The following NFASC variants were observed in gnomAD, a reference collection of about 807,000 sequenced individuals.
NFASC encodes the protein neurofascin homolog.
In NFASC, 43 loss-of-function variants were observed where a neutral mutation model predicts 147.5. The ratio of observed to expected loss-of-function variants is 0.29; its 90% CI spans 0.23 to 0.38. NFASC has a LOEUF of 0.38. Among genes scored for constraint, NFASC ranks in the 10% least tolerant of loss-of-function variants. The pLI, the probability that NFASC is intolerant of heterozygous loss-of-function variation, is 1.00. For missense variants in NFASC, 1,320 were observed against 1,689.0 expected (o/e 0.78, Z 3.83); for synonymous variants, 622 against 665.5 (o/e 0.93, Z 1.01).
intron 1 of NFASC, among the ~76,000 whole-genome samples, chr1:204,833,710 C>T (rs774430737): frequency 6.6e-6 from 1 of 152,096 alleles, no homozygotes; most frequent in Non-Finnish European, 1.5e-5. Flanking sequence ...AGACCTGGGA[C>T]GGTAAAATTT....
chr1:204,902,390 TCAAA>T (rs1282048384), intron 1 of NFASC, among the ~76,000 whole-genome samples: 3 of 152,190 alleles, frequency 2.0e-5, no homozygotes, highest in Non-Finnish European at 2.9e-5. Flanking sequence ...GGATTCTGAC[TCAAA>T]CAAACAGTAA....
At chr1:204,892,451 G>A (rs533261618) in intron 1 of NFASC, among the ~76,000 whole-genome samples, 4 of 152,318 alleles carry the variant, frequency 2.6e-5, no homozygotes, top group Admixed American at 6.5e-5. Flanking sequence ...CTCATGTAGC[G>A]ACAGTCATCT....
intron 24 of NFASC, among the ~76,000 whole-genome samples, chr1:204,993,264 C>T (rs1031466536): frequency 7.9e-5 from 12 of 152,172 alleles, no homozygotes; most frequent in African/African-American, 2.7e-4. Context: ...GATTGCTGCC[C>T]GTCTGTCTGA....
At chr1:204,955,569 G>A (rs143539860) in intron 7 of NFASC, among the ~76,000 whole-genome samples, 2 of 152,274 alleles carry the variant, frequency 1.3e-5, no homozygotes, top group African/African-American at 4.8e-5. Flanking sequence ...ATCATTCAGC[G>A]ATTGTTCTGG....
rs1269188255 is a variant in NFASC, at chr1:204,979,239, TCTC to T, written c.1979-120_1979-118del. Reference sequence around the variant, plus strand: ...TCTCTTCCTGTGCCTTGGGAAGAATTCTCCTTGTGCCTTTGTGTGAGAGAGATT... The same window carrying T: ...TCTCTTCCTGTGCCTTGGGAAGAATTCTTGTGCCTTTGTGTGAGAGAGATT... On this transcript the variant is annotated intron_variant, in intron 18 of 29. Transcript: ENST00000339876. The surrounding 1 kb of genome is among the most constrained non-coding windows in gnomAD (Gnocchi z 6.0). 2 of 1,010,778 alleles carry T rather than the reference TCTC, an allele frequency of 2.0e-6. No homozygotes were observed. Among genetic ancestry groups the T allele is most frequent in the Non-Finnish European group, 3.1e-6 (2 of 654,138 alleles). The allele number at this position is 1,010,778 out of a possible 1,614,324, so 62.6% of individuals were successfully genotyped here. A position where few individuals can be genotyped will look rare whatever the true frequency, so the allele number is the denominator to read the frequency against.
At position 205,016,720 on chromosome 1, in the gene NFASC, A is replaced by AC. The variant is rs34793683; in HGVS notation, c.*187dup. The AC allele has an allele frequency of 3.0e-5, 20 of 668,056 alleles. No individual in the cohort carries two copies. The highest frequency in any genetic ancestry group is 7.1e-5 in the African/African-American group (4 of 56,304). 41.4% of individuals were successfully genotyped at this position (668,056 alleles called of 1,614,324 possible). Reference sequence around the variant, plus strand: ...GCCACCCACAAGCCCCCTCCCAATGACCCCCCTTCAGCCCCGGGTGCCACC... The same window carrying AC: ...GCCACCCACAAGCCCCCTCCCAATGACCCCCCCTTCAGCCCCGGGTGCCACC... On this transcript the variant is annotated 3_prime_UTR_variant, in exon 30 of 30. Coordinates refer to ENST00000339876, the MANE Select transcript of NFASC (RefSeq NM_001005388.3). The surrounding 1 kb of genome is among the most constrained non-coding windows in gnomAD (Gnocchi z 5.1).
intron 1 of NFASC, among the ~76,000 whole-genome samples, chr1:204,843,908 G>T (rs1014798190): frequency 1.3e-5 from 2 of 151,862 alleles, no homozygotes; most frequent in African/African-American, 4.8e-5. Context: ...TAGTAGATAC[G>T]GGGGTTTTTA....
rs1321330916 is a variant in NFASC, at chr1:204,954,758, C to T, written c.413-71C>T. The stretch of plus-strand genomic sequence containing the variant: ...CTGTTTCTCCTCCTTGCATGCCTGC[C>T]TCTGACCCTGCTCCTTGCCCCGGGC... On this transcript the variant is annotated intron_variant, in intron 6 of 29. Transcript: ENST00000339876. This position sits in a 1 kb window ranked among gnomAD's most constrained non-coding sequence, Gnocchi z 5.7. 4 of 1,568,800 alleles carry T rather than the reference C, an allele frequency of 2.5e-6. No homozygotes were observed. In the South Asian group the frequency reaches 3.4e-5, roughly 13 times the overall value.
At chr1:204,891,108 T>C (rs2149038624) in intron 1 of NFASC, among the ~76,000 whole-genome samples, 1 of 152,286 alleles carries the variant, frequency 6.6e-6, no homozygotes, top group Non-Finnish European at 1.5e-5. Context: ...TCTTCCCTGA[T>C]TGGGTCCTAG....
At chr1:204,952,224 A>G in intron 5 of NFASC, 108 bp downstream of exon 5, 1 of 862,670 alleles carries the variant, frequency 1.2e-6, no homozygotes, top group Non-Finnish European at 1.9e-6. Context: ...CCATTCCAAA[A>G]AATTTCCATT....
At chr1:204,843,691 CCTTTCTCT>C (rs1470538366) in intron 1 of NFASC, among the ~76,000 whole-genome samples, 2 of 135,008 alleles carry the variant, frequency 1.5e-5, no homozygotes, top group Middle Eastern at 3.8e-3. Flanking sequence ...TTCCTTTCTC[CCTTTCTCT>C]CTTTCTCTCT....
rs2096377573 is a variant in NFASC at position 205,018,318 on chromosome 1, C to G, written c.*1779C>G. 6.6e-6 allele frequency: 1 copy of G among 152,550 alleles called. No homozygotes were observed. Among genetic ancestry groups the G allele is most frequent in the South Asian group, 2.1e-4 (1 of 4,834 alleles). The allele number at this position is 152,550 out of a possible 1,614,324, so 9.4% of individuals were successfully genotyped here. On this transcript the variant is annotated 3_prime_UTR_variant, in exon 30 of 30. Coordinates refer to ENST00000339876, the MANE Select transcript of NFASC (RefSeq NM_001005388.3). The stretch of plus-strand genomic sequence containing the variant: ...AGGGGGCCTGGGCCAGACCAGGGCT[C>G]TGTCCTTCCGTGACTTTATTAAAGC...
intron 1 of NFASC, among the ~76,000 whole-genome samples, chr1:204,830,610 ATG>A (rs1025135139): frequency 6.8e-6 from 1 of 148,074 alleles, no homozygotes; most frequent in Non-Finnish European, 1.5e-5. Flanking sequence ...GTGTGTTGTG[ATG>A]TGTGTGTGTG....
chr1:204,931,507 T>G (rs1178354510), intron 2 of NFASC, among the ~76,000 whole-genome samples: 1 of 152,224 alleles, frequency 6.6e-6, no homozygotes, highest in Non-Finnish European at 1.5e-5. Flanking sequence ...GATGTGTGAA[T>G]GTATTTCTCC....
intron 1 of NFASC, among the ~76,000 whole-genome samples, chr1:204,900,419 C>G (rs2084301493): frequency 6.6e-6 from 1 of 152,140 alleles, no homozygotes; most frequent in Admixed American, 6.5e-5. Flanking sequence ...CCAAATGAAG[C>G]AAACACTTTT....
At chr1:204,880,582 C>A (rs1196462224) in intron 1 of NFASC, among the ~76,000 whole-genome samples, 2 of 152,066 alleles carry the variant, frequency 1.3e-5, no homozygotes, top group African/African-American at 4.8e-5. Flanking sequence ...GTCTCGATCT[C>A]CTGACGTGCT....
At chr1:204,858,464 C>G (rs969715155) in intron 1 of NFASC, among the ~76,000 whole-genome samples, 1 of 152,106 alleles carries the variant, frequency 6.6e-6, no homozygotes, top group Admixed American at 6.5e-5. Context: ...CAAGCAAATA[C>G]AGAACAGGTG....
At chr1:205,014,050 G>C (rs889966799) in intron 29 of NFASC, among the ~76,000 whole-genome samples, 1 of 152,152 alleles carries the variant, frequency 6.6e-6, no homozygotes, top group Non-Finnish European at 1.5e-5. Flanking sequence ...AGACTTCCCT[G>C]GCTTTTTGTT....
At chr1:204,957,298 G>A (rs1481074802) in intron 7 of NFASC, among the ~76,000 whole-genome samples, 1 of 152,294 alleles carries the variant, frequency 6.6e-6, no homozygotes. Context: ...TTGAACCTTG[G>A]GGAGTACCTG....
Sources: allele counts gnomAD v4.1 joint callset (sites outside exome capture counted in the v4.1 genomes callset), GRCh38; gene constraint gnomAD v4.1.1; non-coding constraint Gnocchi (gnomAD v3.1); transcripts MANE v1.5; gene names NCBI Gene and HGNC (gene_info 2026-07-23, HGNC 2026-07-21).